The following NETO1 variants were observed in gnomAD, a reference collection of about 807,000 sequenced individuals.
NETO1 encodes the protein neuropilin and tolloid like 1.
A neutral mutation model predicts 61.3 loss-of-function variants in NETO1; 26 were observed. That is an observed-to-expected ratio of 0.42 (90% CI 0.31 to 0.59). The LOEUF is 0.59. Ranked by LOEUF, NETO1 falls within the 20% of genes least tolerant of loss-of-function variation. The probability of loss-of-function intolerance (pLI) is 0.12; values close to 1 mark genes in which losing one functional copy is unlikely to be tolerated. For synonymous variants in NETO1, 225 were observed against 225.8 expected (o/e 1.00, Z 0.03); for missense variants, 531 against 662.8 (o/e 0.80, Z 2.18).
At chr18:72,814,701 T>C (rs574131501) in intron 4 of NETO1, among the ~76,000 whole-genome samples, 6 of 151,980 alleles carry the variant, frequency 3.9e-5, no homozygotes, top group South Asian at 2.1e-4. Context: ...ACCAAAGAGA[T>C]CTGATATGGC....
Position 72,749,092 on chromosome 18 carries a change from G to T in NETO1, c.1542-4C>A, listed in dbSNP as rs1025542031. ...TAGAGACCCAATGAGGCAGAACCTG[G>T]AATGTTATGGCTATTTCATTCAACA... On this transcript the variant is annotated splice_polypyrimidine_tract_variant and splice_region_variant and intron_variant, in intron 9 of 10. Coordinates refer to ENST00000327305, the MANE Select transcript of NETO1 (RefSeq NM_138966.5). 1.9e-6 allele frequency: 3 copies of T among 1,551,762 alleles called. No homozygotes were observed. The highest frequency in any genetic ancestry group is 2.7e-5 in the African/African-American group (2 of 73,444).
intron 3 of NETO1, among the ~76,000 whole-genome samples, chr18:72,862,134 T>A (rs986632820): frequency 2.6e-5 from 4 of 152,272 alleles, no homozygotes; most frequent in Middle Eastern, 3.4e-3. Context: ...ACATCTTATG[T>A]TCTCTCATTT....
chr18:72,823,275 T>C (rs1016175782), intron 4 of NETO1, among the ~76,000 whole-genome samples: 9 of 152,146 alleles, frequency 5.9e-5, no homozygotes, highest in Non-Finnish European at 8.8e-5. Context: ...TGTCATGCAG[T>C]GATAAGCAAT....
chr18:72,814,132 A>T (rs751277854), intron 4 of NETO1, among the ~76,000 whole-genome samples: 2 of 152,102 alleles, frequency 1.3e-5, no homozygotes, highest in Non-Finnish European at 2.9e-5. Flanking sequence ...CAGTTCAAGC[A>T]GAAGGTAAGT....
intron 7 of NETO1, among the ~76,000 whole-genome samples, chr18:72,772,763 A>ATATC (rs1555684141): frequency 4.5e-5 from 3 of 66,070 alleles, no homozygotes; most frequent in African/African-American, 1.2e-4. Context: ...ATATATCTAT[A>ATATC]TATATATATA....
At chr18:72,831,128 G>C (rs2073563715) in intron 4 of NETO1, among the ~76,000 whole-genome samples, 1 of 152,024 alleles carries the variant, frequency 6.6e-6, no homozygotes, top group Non-Finnish European at 1.5e-5. Flanking sequence ...CTATTCACTT[G>C]CCAGCAAACC....
At chr18:72,828,050 C>T (rs987844335) in intron 4 of NETO1, among the ~76,000 whole-genome samples, 3 of 152,294 alleles carry the variant, frequency 2.0e-5, no homozygotes, top group South Asian at 2.1e-4. Context: ...TGGTGGCTCA[C>T]GCCTGTAATC....
In NETO1 at chr18:72,867,517, G is replaced by C; in HGVS notation, c.-226C>G. 2.6e-6 allele frequency: 1 copy of C among 388,432 alleles called. No individual in the cohort carries two copies. The highest frequency in any genetic ancestry group is 6.5e-4 in the Middle Eastern group (1 of 1,544). 24.1% of individuals were successfully genotyped at this position (388,432 alleles called of 1,614,324 possible). A position where few individuals can be genotyped will look rare whatever the true frequency, so the allele number is the denominator to read the frequency against. On this transcript the variant is annotated 5_prime_UTR_variant, in exon 1 of 11. Coordinates refer to ENST00000327305, the MANE Select transcript of NETO1 (RefSeq NM_138966.5). ...CCGCCCCGGGCGGGCTCTCGCTCTC[G>C]CTGGCCCTCAGCGCCGCGCAGCCAG...
intron 7 of NETO1, among the ~76,000 whole-genome samples, chr18:72,762,513 A>AT (rs1270760789): frequency 6.6e-6 from 1 of 152,212 alleles, no homozygotes; most frequent in Non-Finnish European, 1.5e-5. Flanking sequence ...TATATACATT[A>AT]AAAACACACA....
At chr18:72,837,514 A>G (rs748266764) in intron 4 of NETO1, among the ~76,000 whole-genome samples, 15 of 152,224 alleles carry the variant, frequency 9.9e-5, no homozygotes, top group Non-Finnish European at 1.5e-4. Context: ...GCAACGGTTT[A>G]GAGTCAGACA....
intron 7 of NETO1, among the ~76,000 whole-genome samples, chr18:72,782,681 G>A (rs2071784893): frequency 6.6e-6 from 1 of 151,942 alleles, no homozygotes. Flanking sequence ...GTGCATGCCT[G>A]TAATCCCAGC....
chr18:72,749,929 A>C (rs2070535764), intron 9 of NETO1, 133 bp downstream of exon 9: 1 of 683,700 alleles, frequency 1.5e-6, no homozygotes, highest in African/African-American at 1.8e-5. Context: ...GAAGAGGGAA[A>C]CTATTGGAAA....
At chr18:72,866,624 C>T in intron 1 of NETO1, 1 of 798,176 alleles carries the variant, frequency 1.3e-6, no homozygotes, top group Non-Finnish European at 1.5e-6. Flanking sequence ...ACACTCTCAT[C>T]TTTGCTTAGT....
chr18:72,780,693 C>G lies in NETO1; in HGVS notation c.868+2985G>C, dbSNP rs563274698. 2.6e-5 allele frequency among the ~76,000 whole-genome samples: 4 copies of G among 152,276 alleles called. No homozygotes were observed. The East Asian group carries it at 7.7e-4, about 29-fold the overall frequency. ...ACTCACAAGATGAACATTTTTCCCC[C>G]TAAATTGCGCTCAAAAGTTTCCCTA... On this transcript the variant is annotated intron_variant, in intron 7 of 10. Coordinates refer to ENST00000327305, the MANE Select transcript of NETO1 (RefSeq NM_138966.5).
chr18:72,765,982 G>A (rs922863173), intron 7 of NETO1, among the ~76,000 whole-genome samples: 3 of 152,108 alleles, frequency 2.0e-5, no homozygotes, highest in Non-Finnish European at 2.9e-5. Context: ...CGAGGTGGGT[G>A]GGTCATTTGA....
Position 72,746,718 on chromosome 18 carries a change from A to G in NETO1, c.*1461T>C, listed in dbSNP as rs1417109367. Among the ~76,000 whole-genome samples, 2 of 152,028 alleles carry G rather than the reference A, an allele frequency of 1.3e-5. No individual in the cohort carries two copies. Among genetic ancestry groups the G allele is most frequent in the Non-Finnish European group, 2.9e-5 (2 of 67,956 alleles). On this transcript the variant is annotated 3_prime_UTR_variant, in exon 11 of 11. Transcript: ENST00000327305. ...GACTGCTCTGTTAGTGGAAGGACAG[A>G]GTTCTTTAAACCTGGAGAATTCAGT... is the stretch of plus-strand genomic sequence containing the variant.
chr18:72,826,993 C>T (rs918223619), intron 4 of NETO1, among the ~76,000 whole-genome samples: 1 of 152,096 alleles, frequency 6.6e-6, no homozygotes, highest in African/African-American at 2.4e-5. Context: ...CTCCCACCGC[C>T]TCCTACAGTT....
At chr18:72,812,752 C>T (rs72634468) in intron 4 of NETO1, among the ~76,000 whole-genome samples, 4,096 of 152,178 alleles carry the variant, frequency 0.027, 213 homozygotes, top group East Asian at 0.22. Flanking sequence ...TTCAGTTTCT[C>T]CTATAAATAA....
chr18:72,752,636 T>C (rs1359635589), intron 8 of NETO1, among the ~76,000 whole-genome samples: 1 of 151,174 alleles, frequency 6.6e-6, no homozygotes, highest in Non-Finnish European at 1.5e-5. Flanking sequence ...GAAGTGTATA[T>C]ATAGGAAAAA....
Sources: gnomAD v4.1 joint callset for allele counts (sites outside exome capture counted in the v4.1 genomes callset) on GRCh38, gnomAD v4.1.1 for gene constraint, MANE v1.5 for transcripts, NCBI Gene and HGNC (gene_info 2026-07-23, HGNC 2026-07-21) for gene names.